PTPRT: variants seen among roughly 807,000 people sequenced by gnomAD.
PTPRT encodes protein tyrosine phosphatase receptor type T, also known as receptor-type tyrosine-protein phosphatase T.
PTPRT carries 56 observed loss-of-function variants against 176.8 expected under a neutral mutation model. The observed-to-expected ratio is 0.32, with a 90% CI of 0.26 to 0.40. PTPRT has a LOEUF of 0.40. Among genes scored for constraint, PTPRT ranks in the 10% least tolerant of loss-of-function variants. The pLI, the probability that PTPRT is intolerant of heterozygous loss-of-function variation, is 1.00. For missense variants in PTPRT, 1,540 were observed against 1,908.2 expected (o/e 0.81, Z 3.60); for synonymous variants, 783 against 739.0 (o/e 1.06, Z -0.96).
intron 6 of PTPRT, among the ~76,000 whole-genome samples, chr20:42,696,337 C>A (rs2075875841): frequency 6.6e-6 from 1 of 151,240 alleles, no homozygotes; most frequent in South Asian, 2.1e-4. Context: ...CCCTCCTCCT[C>A]TCTCCCGTTC....
chr20:42,636,383 T>C (rs145274255), intron 7 of PTPRT, among the ~76,000 whole-genome samples: 1 of 152,264 alleles, frequency 6.6e-6, no homozygotes, highest in African/African-American at 2.4e-5. Context: ...AAAATAAAAT[T>C]ACCAAAATGA....
intron 14 of PTPRT, among the ~76,000 whole-genome samples, chr20:42,247,724 G>A (rs1371675721): frequency 2.0e-5 from 3 of 152,204 alleles, no homozygotes; most frequent in East Asian, 3.9e-4. Context: ...AGACTGAGGA[G>A]TGGGAAGGTA....
intron 6 of PTPRT, among the ~76,000 whole-genome samples, chr20:42,752,135 C>T (rs963170747): frequency 6.6e-5 from 10 of 152,194 alleles, no homozygotes; most frequent in Admixed American, 3.9e-4. Flanking sequence ...CCCAAAGCCA[C>T]AGAGACAGTC....
chr20:43,047,005 G>A (rs1986864427), intron 1 of PTPRT, among the ~76,000 whole-genome samples: 1 of 152,108 alleles, frequency 6.6e-6, no homozygotes, highest in Non-Finnish European at 1.5e-5. Context: ...TCTTGGACTG[G>A]TTTTGCTTAT....
chr20:43,102,108 T>C (rs2012411945), intron 1 of PTPRT, among the ~76,000 whole-genome samples: 1 of 152,142 alleles, frequency 6.6e-6, no homozygotes, highest in Non-Finnish European at 1.5e-5. Flanking sequence ...ACTAATCCAT[T>C]CATGGGGGTA....
intron 23 of PTPRT, 99 bp downstream of exon 23, chr20:42,110,234 T>C: frequency 2.6e-6 from 3 of 1,137,042 alleles, no homozygotes; most frequent in East Asian, 5.1e-5. Flanking sequence ...CTTTCTTTAG[T>C]AGAGACGAGG....
chr20:42,226,112 T>C (rs1214647963), intron 15 of PTPRT, among the ~76,000 whole-genome samples: 1 of 152,254 alleles, frequency 6.6e-6, no homozygotes, highest in Non-Finnish European at 1.5e-5. Flanking sequence ...TGTAACATTA[T>C]TTTGTAACGT....
intron 2 of PTPRT, among the ~76,000 whole-genome samples, chr20:42,816,394 T>C (rs1297334753): frequency 1.3e-5 from 2 of 152,212 alleles, no homozygotes. Flanking sequence ...ACAGTAAGAA[T>C]AATGGAAGAG....
At chr20:42,061,312 AG>A in the PTPRT span, among the ~76,000 whole-genome samples, 1 of 152,096 alleles carries the variant, frequency 6.6e-6, no homozygotes. Flanking sequence ...CTCCCCTCAG[AG>A]TCTGTTGGCC....
chr20:42,236,821 C>T (rs1410771370), intron 14 of PTPRT, among the ~76,000 whole-genome samples: 1 of 152,062 alleles, frequency 6.6e-6, no homozygotes, highest in Non-Finnish European at 1.5e-5. Flanking sequence ...AGATGGCTCC[C>T]CAGTGATCTG....
chr20:42,877,471 T>A (rs1261510378), intron 2 of PTPRT, among the ~76,000 whole-genome samples: 2 of 151,916 alleles, frequency 1.3e-5, no homozygotes, highest in Admixed American at 1.3e-4. Context: ...GAGACTGGAC[T>A]CCCAAAACAA....
intron 1 of PTPRT, among the ~76,000 whole-genome samples, chr20:43,172,934 ACAAT>A (rs1057238186): frequency 3.5e-5 from 5 of 141,330 alleles, no homozygotes; most frequent in Non-Finnish European, 7.5e-5. Context: ...GTGCAATGGC[ACAAT>A]CTCTGCTCAC....
At chr20:42,607,794 C>T (rs1007556028) in intron 7 of PTPRT, among the ~76,000 whole-genome samples, 1 of 152,096 alleles carries the variant, frequency 6.6e-6, no homozygotes, top group Non-Finnish European at 1.5e-5. Flanking sequence ...GCAGAGGGAC[C>T]TGTGGGCGCT....
chr20:42,513,197 A>T (rs1020191357), intron 7 of PTPRT, among the ~76,000 whole-genome samples: 1 of 127,820 alleles, frequency 7.8e-6, no homozygotes, highest in African/African-American at 3.2e-5. Context: ...TTCTCTATTG[A>T]TGGGGTGTGT....
intron 9 of PTPRT, among the ~76,000 whole-genome samples, chr20:42,377,163 C>A (rs978705260): frequency 6.6e-6 from 1 of 152,160 alleles, no homozygotes; most frequent in Non-Finnish European, 1.5e-5. Flanking sequence ...GCTTGAAGAA[C>A]CTTTGCAGAA....
At chr20:42,249,307 T>C (rs774105209) in intron 13 of PTPRT, among the ~76,000 whole-genome samples, 1 of 152,224 alleles carries the variant, frequency 6.6e-6, no homozygotes, top group African/African-American at 2.4e-5. Flanking sequence ...TTGTTCTTTA[T>C]AGGGAACAAA....
intron 1 of PTPRT, among the ~76,000 whole-genome samples, chr20:42,985,630 CT>C (rs1188648175): frequency 6.6e-6 from 1 of 152,038 alleles, no homozygotes; most frequent in Non-Finnish European, 1.5e-5. Context: ...AAACAATGCA[CT>C]TTTTTAAAAA....
chr20:42,557,252 C>G lies in PTPRT; in HGVS notation c.1154-84690G>C, dbSNP rs6016828. On this transcript the variant is annotated intron_variant, in intron 7 of 30. Coordinates refer to ENST00000373187, the MANE Select transcript of PTPRT (RefSeq NM_007050.6). ...TATATATCAGTTATTATTCTAGACC[C>G]TAGGAATACAGCAATAGCAACCAGA... Among the ~76,000 whole-genome samples, 467 of 152,216 alleles carry G rather than the reference C, an allele frequency of 3.1e-3. 3 individuals are homozygous for G. The highest frequency in any genetic ancestry group is 0.011 in the African/African-American group (449 of 41,546).
chr20:42,283,678 G>T (rs368974269), intron 12 of PTPRT, among the ~76,000 whole-genome samples: 1 of 151,858 alleles, frequency 6.6e-6, no homozygotes, highest in East Asian at 1.9e-4. Context: ...AGTGCTAAAG[G>T]GTAAAGCAGT....
Sources: allele counts gnomAD v4.1 joint callset (sites outside exome capture counted in the v4.1 genomes callset), GRCh38; gene constraint gnomAD v4.1.1; transcripts MANE v1.5; gene names NCBI Gene and HGNC (gene_info 2026-07-23, HGNC 2026-07-21).